MMP16: variants seen among roughly 807,000 people sequenced by gnomAD.
The protein encoded by MMP16 is matrix metalloproteinase-16.
In MMP16, 12 loss-of-function variants were observed where a neutral mutation model predicts 67.8. The observed-to-expected ratio is 0.18, with a 90% CI of 0.11 to 0.29. MMP16 has a LOEUF of 0.29. Ranked by LOEUF, MMP16 falls within the 10% of genes least tolerant of loss-of-function variation. The pLI is 1.00. For synonymous variants in MMP16, 249 were observed against 255.9 expected (o/e 0.97, Z 0.26); for missense variants, 475 against 765.7 (o/e 0.62, Z 4.48).
At chr8:88,222,574 T>C (rs1446523161) in intron 1 of MMP16, among the ~76,000 whole-genome samples, 2 of 151,986 alleles carry the variant, frequency 1.3e-5, no homozygotes, top group Non-Finnish European at 2.9e-5. Context: ...TTGACAAACC[T>C]GACAAAAACA....
intron 4 of MMP16, among the ~76,000 whole-genome samples, chr8:88,143,019 C>T (rs993324946): frequency 6.6e-6 from 1 of 152,062 alleles, no homozygotes; most frequent in Admixed American, 6.6e-5. Context: ...TGGGTATCTG[C>T]CTAGATCGGT....
intron 2 of MMP16, 40 bp from the exon 3 acceptor site, chr8:88,186,638 C>T (rs1337247823): frequency 1.9e-6 from 3 of 1,553,712 alleles, no homozygotes; most frequent in Non-Finnish European, 2.6e-6. Context: ...CAGTATTTTC[C>T]AGTTATTTAC....
chr8:88,066,775 C>T (rs1363232126), intron 7 of MMP16, among the ~76,000 whole-genome samples: 1 of 152,032 alleles, frequency 6.6e-6, no homozygotes. Context: ...ATCTAAAATA[C>T]TTGTCCACTT....
At chr8:88,159,621 A>C (rs191463209) in intron 4 of MMP16, among the ~76,000 whole-genome samples, 11,564 of 152,054 alleles carry the variant, frequency 0.076, 468 homozygotes, top group South Asian at 0.11. Context: ...AATACCCTTT[A>C]TTTCTTTCTC....
intron 4 of MMP16, among the ~76,000 whole-genome samples, chr8:88,153,362 C>G (rs1004430783): frequency 6.6e-6 from 1 of 152,032 alleles, no homozygotes; most frequent in Non-Finnish European, 1.5e-5. Flanking sequence ...TTGGAAAAAA[C>G]TACTTTAAAG....
At chr8:88,175,725 C>T (rs1195469305) in intron 3 of MMP16, among the ~76,000 whole-genome samples, 2 of 152,206 alleles carry the variant, frequency 1.3e-5, no homozygotes, top group South Asian at 2.1e-4. Context: ...TGTCCCTACC[C>T]AAATCTCATT....
At chr8:88,206,721 G>T (rs375290303) in intron 1 of MMP16, among the ~76,000 whole-genome samples, 3 of 152,150 alleles carry the variant, frequency 2.0e-5, no homozygotes, top group Non-Finnish European at 4.4e-5. Context: ...TAGAAGTCTG[G>T]TGATGGTTTT....
intron 4 of MMP16, among the ~76,000 whole-genome samples, chr8:88,129,244 T>C (rs779312625): frequency 2.6e-5 from 4 of 151,782 alleles, no homozygotes; most frequent in Non-Finnish European, 5.9e-5. Context: ...TGAGGGAAGA[T>C]AGAATTTTAG....
At chr8:88,326,790 A>C (rs1359815200) in intron 1 of MMP16, 1 of 296,178 alleles carries the variant, frequency 3.4e-6, no homozygotes. Flanking sequence ...CACGGTTGCT[A>C]TATGTAGGAC....
chr8:88,163,731 A>G (rs187028722), intron 4 of MMP16, among the ~76,000 whole-genome samples: 2 of 152,198 alleles, frequency 1.3e-5, no homozygotes, highest in South Asian at 2.1e-4. Flanking sequence ...TTGTTGCTCA[A>G]AATAAATCTT....
chr8:88,201,742 T>C (rs778611896), intron 1 of MMP16, among the ~76,000 whole-genome samples: 6 of 152,132 alleles, frequency 3.9e-5, no homozygotes, highest in Non-Finnish European at 8.8e-5. Flanking sequence ...ATGAGACTTA[T>C]AAACGCACTG....
chr8:88,142,156 C>T (rs1187446430), intron 4 of MMP16, among the ~76,000 whole-genome samples: 1 of 151,766 alleles, frequency 6.6e-6, no homozygotes. Context: ...GCAATCCGCT[C>T]GCCTCAGTCT....
At chr8:88,192,136 A>C (rs1809178600) in intron 2 of MMP16, among the ~76,000 whole-genome samples, 1 of 152,144 alleles carries the variant, frequency 6.6e-6, no homozygotes, top group African/African-American at 2.4e-5. Context: ...AAATATACTT[A>C]TTTTAATTAC....
intron 5 of MMP16, among the ~76,000 whole-genome samples, chr8:88,117,925 A>C (rs1252260950): frequency 2.0e-5 from 3 of 152,114 alleles, no homozygotes; most frequent in African/African-American, 7.2e-5. Flanking sequence ...CATATTTGCT[A>C]TATGTAAATT....
At chr8:88,120,036 T>A (rs1328112558) in intron 4 of MMP16, among the ~76,000 whole-genome samples, 1 of 151,954 alleles carries the variant, frequency 6.6e-6, no homozygotes, top group East Asian at 1.9e-4. Flanking sequence ...GAGGAATAGA[T>A]GAGATCATGA....
intron 1 of MMP16, among the ~76,000 whole-genome samples, chr8:88,308,024 TC>T (rs1399338072): frequency 6.6e-6 from 1 of 152,068 alleles, no homozygotes; most frequent in Non-Finnish European, 1.5e-5. Context: ...AAAATAGTTT[TC>T]CCAGAAATGT....
At chr8:88,310,214 T>C (rs1349826385) in intron 1 of MMP16, among the ~76,000 whole-genome samples, 5 of 152,136 alleles carry the variant, frequency 3.3e-5, no homozygotes, top group East Asian at 1.9e-4. Context: ...ATATTTTTAA[T>C]GCCAAGGCAA....
intron 1 of MMP16, among the ~76,000 whole-genome samples, chr8:88,245,835 T>C (rs1810105562): frequency 6.6e-6 from 1 of 152,148 alleles, no homozygotes; most frequent in Non-Finnish European, 1.5e-5. Context: ...TGCAGAGCAA[T>C]AATAAATAAA....
At chr8:88,272,821 A>G (rs1270861087) in intron 1 of MMP16, among the ~76,000 whole-genome samples, 2 of 152,196 alleles carry the variant, frequency 1.3e-5, no homozygotes, top group Non-Finnish European at 2.9e-5. Flanking sequence ...AGTAGTGACC[A>G]CCAAAAGCGA....
Sources: allele counts gnomAD v4.1 joint callset (sites outside exome capture counted in the v4.1 genomes callset), GRCh38; gene constraint gnomAD v4.1.1; transcripts MANE v1.5; gene names NCBI Gene and HGNC (gene_info 2026-07-23, HGNC 2026-07-21).